The following ESRRG variants were observed in gnomAD, a reference collection of about 807,000 sequenced individuals.
The protein encoded by ESRRG is estrogen related receptor gamma.
In ESRRG, 13 loss-of-function variants were observed where a neutral mutation model predicts 44.0. That is an observed-to-expected ratio of 0.30 (90% CI 0.19 to 0.47). ESRRG has a LOEUF of 0.47. ESRRG is among the 20% of genes least tolerant of loss of function. The pLI is 1.00. For synonymous variants in ESRRG, 215 were observed against 214.6 expected (o/e 1.00, Z -0.02); for missense variants, 395 against 580.6 (o/e 0.68, Z 3.29).
intron 5 of ESRRG, among the ~76,000 whole-genome samples, chr1:216,562,377 G>A (rs2058918411): frequency 6.6e-6 from 1 of 152,138 alleles, no homozygotes; most frequent in Admixed American, 6.6e-5. Flanking sequence ...GGATATGGCT[G>A]TGAATTTGTG....
chr1:217,038,586 G>A (rs2083316551), intron 1 of ESRRG, among the ~76,000 whole-genome samples: 1 of 152,188 alleles, frequency 6.6e-6, no homozygotes, highest in Admixed American at 6.5e-5. Context: ...GCCAGGGCTG[G>A]AGCAGCTGGA....
At chr1:216,594,351 A>T (rs1443737408) in intron 3 of ESRRG, among the ~76,000 whole-genome samples, 3 of 152,214 alleles carry the variant, frequency 2.0e-5, no homozygotes, top group African/African-American at 7.2e-5. Flanking sequence ...AGAGACAATA[A>T]TATTATTTAA....
intron 1 of ESRRG, among the ~76,000 whole-genome samples, chr1:216,692,301 T>C (rs924781532): frequency 7.2e-5 from 7 of 97,658 alleles, no homozygotes; most frequent in African/African-American, 2.9e-4. Context: ...TGTGTAGGCC[T>C]AGGCTAGTGT....
At chr1:217,122,402 T>C (rs933256062) in intron 1 of ESRRG, among the ~76,000 whole-genome samples, 1 of 152,270 alleles carries the variant, frequency 6.6e-6, no homozygotes, top group African/African-American at 2.4e-5. Context: ...AGTTATGTGA[T>C]TTTGACTAAG....
chr1:217,044,317 T>C (rs1173512350), intron 1 of ESRRG, among the ~76,000 whole-genome samples: 1 of 152,154 alleles, frequency 6.6e-6, no homozygotes, highest in East Asian at 1.9e-4. Flanking sequence ...GCCTCCCTAA[T>C]TTTCTCAACC....
chr1:216,524,174 A>T (rs2046931151), intron 5 of ESRRG, among the ~76,000 whole-genome samples: 1 of 150,070 alleles, frequency 6.7e-6, no homozygotes, highest in South Asian at 2.1e-4. Context: ...ACTTTGTCCT[A>T]TGATTCACAA....
At chr1:216,679,723 C>T (rs868752841) in intron 1 of ESRRG, among the ~76,000 whole-genome samples, 4 of 144,736 alleles carry the variant, frequency 2.8e-5, no homozygotes, top group African/African-American at 1.0e-4. Context: ...TCTCTCTTTT[C>T]CTGTATCTTC....
At chr1:216,797,550 G>A (rs1484711288) in intron 2 of ESRRG, among the ~76,000 whole-genome samples, 1 of 152,066 alleles carries the variant, frequency 6.6e-6, no homozygotes, top group Non-Finnish European at 1.5e-5. Context: ...TACGTAAAGG[G>A]GGGAAAAAAA....
At chr1:216,639,334 A>G (rs2065925866) in intron 3 of ESRRG, among the ~76,000 whole-genome samples, 1 of 152,212 alleles carries the variant, frequency 6.6e-6, no homozygotes. Flanking sequence ...TATTTGCTCC[A>G]AAACTTCTGT....
intron 1 of ESRRG, among the ~76,000 whole-genome samples, chr1:217,133,793 G>A (rs1201099911): frequency 2.6e-5 from 4 of 151,790 alleles, no homozygotes; most frequent in East Asian, 1.9e-4. Flanking sequence ...AGGGCCTAGG[G>A]CAAAGATCAA....
intron 2 of ESRRG, among the ~76,000 whole-genome samples, chr1:216,843,219 T>C (rs186747083): frequency 3.3e-5 from 5 of 152,174 alleles, no homozygotes; most frequent in Non-Finnish European, 7.4e-5. Context: ...TTTTGTTTTT[T>C]TTTAATATTT....
chr1:217,133,224 G>A (rs1162159343), intron 1 of ESRRG, among the ~76,000 whole-genome samples: 1 of 152,222 alleles, frequency 6.6e-6, no homozygotes. Context: ...CCTAAGCGAC[G>A]GAAGCTCCCG....
At chr1:217,051,213 G>A (rs532057930) in intron 1 of ESRRG, among the ~76,000 whole-genome samples, 4 of 122,452 alleles carry the variant, frequency 3.3e-5, no homozygotes, top group African/African-American at 1.2e-4. Context: ...GCGGGGGGGG[G>A]GGGTGCCAGG....
rs1266397788 is a variant in ESRRG, at chr1:217,133,645, C to CTCTCTCTCTCTCTCTCTCTTTCTT, written c.-230+4021_-230+4022insAAGAAAGAGAGAGAGAGAGAGAGA. On this transcript the variant is annotated intron_variant, in intron 1 of 8. Transcript: ENST00000366940. ...TCTTTCTTTCTTTCTCTCTCTCTCTCTCTTTCTTTCTTTCTTTCTTTCTTT... is the reference window on the plus strand; with the variant it reads ...TCTTTCTTTCTTTCTCTCTCTCTCTCTCTCTCTCTCTCTCTCTCTTTCTTTCTTTCTTTCTTTCTTTCTTTCTTT... Among the ~76,000 whole-genome samples the CTCTCTCTCTCTCTCTCTCTTTCTT allele has an allele frequency of 1.1e-3, 101 of 91,778 alleles. 1 individual carries two copies. The highest frequency in any genetic ancestry group is 3.7e-3 in the African/African-American group (88 of 23,624). 60.2% of individuals were successfully genotyped at this position (91,778 alleles called of 152,430 possible).
At chr1:216,554,719 A>G (rs1423399282) in intron 5 of ESRRG, among the ~76,000 whole-genome samples, 1 of 152,160 alleles carries the variant, frequency 6.6e-6, no homozygotes, top group East Asian at 1.9e-4. Flanking sequence ...TTCCTGTTAG[A>G]TTTGTTGAAA....
intron 5 of ESRRG, among the ~76,000 whole-genome samples, chr1:216,540,119 T>C (rs2052258398): frequency 1.3e-5 from 2 of 152,156 alleles, no homozygotes; most frequent in South Asian, 2.1e-4. Context: ...CCTTATTGCA[T>C]ATCTATTATA....
At chr1:216,983,697 TGTGTG>T (rs2074386264) in intron 1 of ESRRG, among the ~76,000 whole-genome samples, 1 of 136,832 alleles carries the variant, frequency 7.3e-6, no homozygotes, top group East Asian at 1.9e-4. Flanking sequence ...TGTGTGTGTG[TGTGTG>T]TGTGTGTGTG....
chr1:217,124,473 TC>T (rs997839994), intron 1 of ESRRG, among the ~76,000 whole-genome samples: 34 of 152,148 alleles, frequency 2.2e-4, no homozygotes, highest in African/African-American at 8.0e-4. Context: ...AATATTATGA[TC>T]CCTAAGAAAA....
chr1:216,609,599 A>G (rs190992428), intron 3 of ESRRG, among the ~76,000 whole-genome samples: 1 of 152,260 alleles, frequency 6.6e-6, no homozygotes, highest in East Asian at 1.9e-4. Context: ...AATGAAAAGT[A>G]GGATCCCTAA....
Sources: allele counts gnomAD v4.1 joint callset (sites outside exome capture counted in the v4.1 genomes callset), GRCh38; gene constraint gnomAD v4.1.1; transcripts MANE v1.5; gene names NCBI Gene and HGNC (gene_info 2026-07-23, HGNC 2026-07-21).